MACROD2: variants seen among roughly 807,000 people sequenced by gnomAD.
The protein encoded by MACROD2 is ADP-ribose glycohydrolase MACROD2.
In MACROD2, 36 loss-of-function variants were observed where a neutral mutation model predicts 70.4. The observed-to-expected ratio is 0.51, with a 90% CI of 0.39 to 0.68. The LOEUF is 0.68. MACROD2 is among the 30% of genes least tolerant of loss of function. MACROD2 has a pLI of 0.00. For synonymous variants in MACROD2, 172 were observed against 178.8 expected, an observed-to-expected ratio of 0.96 and a Z score of 0.30; for missense variants, 496 against 538.4, an observed-to-expected ratio of 0.92 and a Z score of 0.78.
At chr20:14,866,993 CT>C (rs1273313347) in intron 5 of MACROD2, among the ~76,000 whole-genome samples, 2 of 152,238 alleles carry the variant, frequency 1.3e-5, no homozygotes, top group Admixed American at 6.5e-5. Flanking sequence ...ATTTTCCCCC[CT>C]GCCTGTAATT....
chr20:15,432,154 A>G (rs2046371560), intron 7 of MACROD2, among the ~76,000 whole-genome samples: 1 of 152,086 alleles, frequency 6.6e-6, no homozygotes, highest in Admixed American at 6.6e-5. Flanking sequence ...CTGAACTTAA[A>G]CTTCTCACAT....
chr20:14,525,768 C>A (rs1195373926), intron 4 of MACROD2, among the ~76,000 whole-genome samples: 1 of 152,164 alleles, frequency 6.6e-6, no homozygotes, highest in African/African-American at 2.4e-5. Flanking sequence ...CTTAAAGTAA[C>A]TTTTAGGTCA....
At chr20:15,272,987 TA>T (rs778045068) in intron 6 of MACROD2, among the ~76,000 whole-genome samples, 2 of 152,278 alleles carry the variant, frequency 1.3e-5, no homozygotes, top group Non-Finnish European at 2.9e-5. Context: ...TGACATCTCT[TA>T]AAGGCAATTC....
intron 5 of MACROD2, among the ~76,000 whole-genome samples, chr20:15,163,075 C>T (rs2145877103): frequency 6.6e-6 from 1 of 151,908 alleles, no homozygotes; most frequent in East Asian, 1.9e-4. Context: ...TTAAAATAAT[C>T]TGTAAAGTCT....
At chr20:15,990,158 C>T (rs982505932) in intron 15 of MACROD2, among the ~76,000 whole-genome samples, 4 of 152,272 alleles carry the variant, frequency 2.6e-5, no homozygotes, top group East Asian at 1.9e-4. Context: ...GATATAGCCA[C>T]GTTGCCTCTT....
At chr20:15,258,437 C>T (rs2077219153) in intron 6 of MACROD2, among the ~76,000 whole-genome samples, 1 of 152,110 alleles carries the variant, frequency 6.6e-6, no homozygotes, top group African/African-American at 2.4e-5. Flanking sequence ...CATACTTTTA[C>T]TGTATCTTTT....
chr20:14,238,741 C>G (rs939608387), intron 3 of MACROD2, among the ~76,000 whole-genome samples: 9 of 152,108 alleles, frequency 5.9e-5, no homozygotes, highest in Non-Finnish European at 1.3e-4. Context: ...AAATCAGCAG[C>G]CTTCTGACCA....
At chr20:14,749,577 A>C (rs934918955) in intron 5 of MACROD2, among the ~76,000 whole-genome samples, 8 of 152,150 alleles carry the variant, frequency 5.3e-5, no homozygotes, top group African/African-American at 1.9e-4. Context: ...ATAATATGTG[A>C]ACAGTTGAGT....
chr20:15,491,333 A>C (rs915904914), intron 7 of MACROD2, among the ~76,000 whole-genome samples: 1 of 152,222 alleles, frequency 6.6e-6, no homozygotes, highest in Non-Finnish European at 1.5e-5. Context: ...GGTTACAAGT[A>C]GAATACAGTG....
chr20:14,904,266 G>A (rs1193911005), intron 5 of MACROD2, among the ~76,000 whole-genome samples: 1 of 152,084 alleles, frequency 6.6e-6, no homozygotes, highest in African/African-American at 2.4e-5. Flanking sequence ...AATTTTACTT[G>A]TATTCTAATC....
chr20:14,684,016 G>C (rs1387001836), intron 4 of MACROD2, among the ~76,000 whole-genome samples: 1 of 152,088 alleles, frequency 6.6e-6, no homozygotes, highest in Non-Finnish European at 1.5e-5. Context: ...TCAAATTTGT[G>C]CTCTCAAAAG....
chr20:15,492,233 T>C (rs6079852), intron 7 of MACROD2, among the ~76,000 whole-genome samples: 5,333 of 152,176 alleles, frequency 0.035, 133 homozygotes, highest in Non-Finnish European at 0.056. Flanking sequence ...TTTGATTTCA[T>C]TGCACTATCA....
At chr20:14,048,097 T>C (rs1200412291) in intron 2 of MACROD2, among the ~76,000 whole-genome samples, 1 of 151,936 alleles carries the variant, frequency 6.6e-6, no homozygotes, top group Non-Finnish European at 1.5e-5. Context: ...ACGAACACCA[T>C]GGATTTTCAT....
intron 5 of MACROD2, among the ~76,000 whole-genome samples, chr20:14,737,568 C>G (rs759227101): frequency 1.3e-5 from 2 of 152,166 alleles, no homozygotes; most frequent in Non-Finnish European, 2.9e-5. Flanking sequence ...ACACTCCCAC[C>G]AACAGTGTAA....
chr20:14,992,878 A>G (rs982096740), intron 5 of MACROD2, among the ~76,000 whole-genome samples: 1 of 152,198 alleles, frequency 6.6e-6, no homozygotes, highest in South Asian at 2.1e-4. Context: ...AGAACCTGAC[A>G]TAAAAGTCCA....
chr20:16,020,737 C>G (rs1410404903), intron 15 of MACROD2, among the ~76,000 whole-genome samples: 1 of 151,872 alleles, frequency 6.6e-6, no homozygotes, highest in African/African-American at 2.4e-5. Context: ...TCACCACTGA[C>G]TAAAAGCATG....
At chr20:14,768,718 G>C (rs543101044) in intron 5 of MACROD2, among the ~76,000 whole-genome samples, 4 of 151,932 alleles carry the variant, frequency 2.6e-5, no homozygotes, top group Non-Finnish European at 5.9e-5. Flanking sequence ...CCGGGTTCAA[G>C]TGATTCTCCT....
intron 8 of MACROD2, among the ~76,000 whole-genome samples, chr20:15,728,974 A>G (rs2423984): frequency 0.97 from 147,416 of 152,254 alleles, 71,513 homozygotes; most frequent in African/African-American, 0.99. Flanking sequence ...TGTGATATTA[A>G]GTTGTTAATT....
At chr20:15,191,668 G>GA (rs1243326562) in intron 5 of MACROD2, among the ~76,000 whole-genome samples, 1 of 152,056 alleles carries the variant, frequency 6.6e-6, no homozygotes, top group Non-Finnish European at 1.5e-5. Context: ...CCTGCCTAAA[G>GA]AAAAAACCCT....
Sources: gnomAD v4.1 joint callset for allele counts (sites outside exome capture counted in the v4.1 genomes callset) on GRCh38, gnomAD v4.1.1 for gene constraint, MANE v1.5 for transcripts, NCBI Gene and HGNC (gene_info 2026-07-23, HGNC 2026-07-21) for gene names.